Variants in SAP30BP observed in about 807,000 individuals in gnomAD.
The protein encoded by SAP30BP is SAP30 binding protein.
A neutral mutation model predicts 46.3 loss-of-function variants in SAP30BP; 31 were observed. The ratio of observed to expected loss-of-function variants is 0.67; its 90% CI spans 0.50 to 0.90. The LOEUF (loss-of-function observed/expected upper bound fraction) is 0.90. Among genes scored for constraint, SAP30BP ranks in the 40% least tolerant of loss-of-function variants. The pLI, the probability that SAP30BP is intolerant of heterozygous loss-of-function variation, is 0.00. For synonymous variants in SAP30BP, 169 were observed against 144.2 expected (o/e 1.17, Z -1.23); for missense variants, 312 against 391.0 (o/e 0.80, Z 1.70).
At chr17:75,694,924 T>C (rs1362917406) in intron 4 of SAP30BP, among the ~76,000 whole-genome samples, 1 of 152,162 alleles carries the variant, frequency 6.6e-6, no homozygotes, top group Non-Finnish European at 1.5e-5. Context: ...TTACATAGAG[T>C]AAGACTTGCC....
intron 3 of SAP30BP, among the ~76,000 whole-genome samples, chr17:75,674,690 GTT>G (rs1287087489): frequency 2.5e-5 from 1 of 39,578 alleles, no homozygotes; most frequent in Admixed American, 3.1e-4. Context: ...TTTTTTGTTT[GTT>G]TTTTGTTTTT....
At chr17:75,698,786 C>T (rs1198472593) in intron 4 of SAP30BP, among the ~76,000 whole-genome samples, 1 of 152,246 alleles carries the variant, frequency 6.6e-6, no homozygotes, top group African/African-American at 2.4e-5. Flanking sequence ...GGAGAATTTA[C>T]ACCACAAGAA....
At chr17:75,705,079 T>G (rs1406129406) in intron 9 of SAP30BP, 1 of 456,722 alleles carries the variant, frequency 2.2e-6, no homozygotes, top group African/African-American at 2.0e-5. Context: ...TGGGGGGCTT[T>G]GTCCGTTTTG....
Position 75,703,800 on chromosome 17 carries a change from C to A in SAP30BP, c.550-8C>A. Reference sequence around the variant, plus strand: ...TGTCATCTGAGTCATTCGCCTTTTCCTTTGCAGGATATGTTTGATCCCCAT... The same window carrying A: ...TGTCATCTGAGTCATTCGCCTTTTCATTTGCAGGATATGTTTGATCCCCAT... On this transcript the variant is annotated splice_region_variant and splice_polypyrimidine_tract_variant and intron_variant, in intron 7 of 10. Transcript: ENST00000584667. 1 of 1,613,200 alleles carries A rather than the reference C, an allele frequency of 6.2e-7. No individual in the cohort carries two copies. Among genetic ancestry groups the A allele is most frequent in the Non-Finnish European group, 8.5e-7 (1 of 1,179,124 alleles).
intron 3 of SAP30BP, among the ~76,000 whole-genome samples, chr17:75,678,463 AACACACACACAC>A (rs59943167): frequency 3.4e-5 from 5 of 147,646 alleles, no homozygotes; most frequent in South Asian, 2.2e-4. Flanking sequence ...CACAATTTAA[AACACACACACAC>A]ACACACACAC....
intron 2 of SAP30BP, among the ~76,000 whole-genome samples, chr17:75,669,348 A>G (rs144191463): frequency 3.5e-4 from 54 of 152,230 alleles, no homozygotes; most frequent in East Asian, 2.3e-3. Flanking sequence ...GGTTCAAGCA[A>G]TTCTCCTGCC....
Position 75,671,837 on chromosome 17 carries a change from G to C in SAP30BP, c.238G>C (p.Glu80Gln). 1 of 1,613,820 alleles carries C rather than the reference G, an allele frequency of 6.2e-7. No homozygotes were observed. Among genetic ancestry groups the C allele is most frequent in the African/African-American group, 1.3e-5 (1 of 75,022 alleles). Reference sequence around the variant, plus strand: ...GTAGGAAGATGACGATTCAGAGACTGAAAAACCTGAGGCTGATGACCCAAA... The same window carrying C: ...GTAGGAAGATGACGATTCAGAGACTCAAAAACCTGAGGCTGATGACCCAAA... ...RQSEDDDSET[E>Q]KPEADDPKDN... Residue 80 changes from glutamate (E) to glutamine (Q), a missense_variant, in exon 3 of 11, where the codon GAA becomes CAA. Glu to Gln is a conservative substitution (Grantham distance 29). Around this residue, in one of 2 missense-constraint regions of SAP30BP, gnomAD observed 296 missense variants for 346.6 expected, o/e 0.85. Transcript: ENST00000584667.
At chr17:75,696,152 A>C (rs1417284878) in intron 4 of SAP30BP, among the ~76,000 whole-genome samples, 1 of 152,086 alleles carries the variant, frequency 6.6e-6, no homozygotes, top group Non-Finnish European at 1.5e-5. Flanking sequence ...CACCCATCAG[A>C]CCCAGGCAGC....
intron 3 of SAP30BP, among the ~76,000 whole-genome samples, chr17:75,673,186 A>C (rs1208642386): frequency 6.6e-6 from 1 of 152,150 alleles, no homozygotes; most frequent in Non-Finnish European, 1.5e-5. Context: ...AGTGTGTTTT[A>C]CCAGGAAAGA....
At chr17:75,682,980 G>T (rs1344530122) in intron 3 of SAP30BP, among the ~76,000 whole-genome samples, 1 of 145,298 alleles carries the variant, frequency 6.9e-6, no homozygotes, top group Non-Finnish European at 1.5e-5. Context: ...AAAAAAAAAA[G>T]AATTGTATGG....
In SAP30BP at chr17:75,699,771, T is replaced by A. The variant is rs766598067; in HGVS notation, c.308-12T>A. On this transcript the variant is annotated splice_polypyrimidine_tract_variant and intron_variant, in intron 4 of 10. Transcript: ENST00000584667. ...TCCCCACCTACAGAATTTTTCCTTC[T>A]TCTCTCAACAGCCTCCTTTTCTGAA... is the stretch of plus-strand genomic sequence containing the variant. The A allele has an allele frequency of 1.1e-5, 17 of 1,606,664 alleles. No homozygotes were observed. The highest frequency in any genetic ancestry group is 1.4e-5 in the Non-Finnish European group (17 of 1,173,862).
Position 75,706,259 on chromosome 17 carries a change from CTCCCGCTGGCCTGCAGG to C in SAP30BP, c.746-80_746-64del. On this transcript the variant is annotated intron_variant, in intron 10 of 10. Transcript: ENST00000584667. This position sits in a 1 kb window ranked among gnomAD's most constrained non-coding sequence, Gnocchi z 4.6. ...GCCACTTCGGGGTCTGCTCCCTAGA[CTCCCGCTGGCCTGCAGG>C]GGGAAGGGAAAGAGGGCACCGCTCA... The C allele has an allele frequency of 6.4e-7, 1 of 1,550,650 alleles. No homozygotes were observed. The highest frequency in any genetic ancestry group is 8.8e-7 in the Non-Finnish European group (1 of 1,140,058).
intron 5 of SAP30BP, among the ~76,000 whole-genome samples, chr17:75,700,735 A>G (rs2060396627): frequency 6.6e-6 from 1 of 152,192 alleles, no homozygotes; most frequent in Admixed American, 6.5e-5. Context: ...ACCGCCCTCC[A>G]GAATCACGTC....
intron 3 of SAP30BP, chr17:75,684,650 G>C (rs1350028195): frequency 6.6e-6 from 1 of 152,170 alleles, no homozygotes; most frequent in Non-Finnish European, 1.5e-5. Flanking sequence ...ACAACACTAG[G>C]GTTGCCTTGC....
At chr17:75,699,609 A>G (rs947422307) in intron 4 of SAP30BP, among the ~76,000 whole-genome samples, 174 bp from the exon 5 acceptor site, 1 of 151,930 alleles carries the variant, frequency 6.6e-6, no homozygotes, top group African/African-American at 2.4e-5. Context: ...CCTTCCGGTC[A>G]TTCAGTCTCA....
chr17:75,695,535 T>A (rs1002110218), intron 4 of SAP30BP, among the ~76,000 whole-genome samples: 3 of 152,212 alleles, frequency 2.0e-5, no homozygotes, highest in African/African-American at 7.2e-5. Context: ...CAAATGGATC[T>A]TTAAGCGGCA....
Position 75,677,456 on chromosome 17 carries a change from G to A in SAP30BP, c.264+5593G>A, listed in dbSNP as rs7219807. The stretch of plus-strand genomic sequence containing the variant: ...GCTTTTTTTTTTTTTTTTTGGAAAC[G>A]AAGTCTCGCTCTGTCACCCAGGCTG... On this transcript the variant is annotated intron_variant, in intron 3 of 10. Coordinates refer to ENST00000584667, the MANE Select transcript of SAP30BP (RefSeq NM_013260.8). Among the ~76,000 whole-genome samples, 73 of 121,356 alleles carry A rather than the reference G, an allele frequency of 6.0e-4. 1 individual carries two copies. The highest frequency in any genetic ancestry group is 1.9e-3 in the African/African-American group (62 of 32,904). The allele number at this position is 121,356 out of a possible 152,430, so 79.6% of individuals were successfully genotyped here.
rs2059852187 is a variant in SAP30BP at position 75,668,679 on chromosome 17, A to G, written c.216+54A>G. 6.5e-6 allele frequency: 8 copies of G among 1,228,098 alleles called. No individual in the cohort carries two copies. The East Asian group carries it at 1.9e-4, about 29-fold the overall frequency. 76.1% of individuals were successfully genotyped at this position (1,228,098 alleles called of 1,614,324 possible). Reference sequence around the variant, plus strand: ...CTGAAAGCACAATTTCATTTGTCAGATTTTGGAACTGTGCCAACAGTGTTC... The same window carrying G: ...CTGAAAGCACAATTTCATTTGTCAGGTTTTGGAACTGTGCCAACAGTGTTC... On this transcript the variant is annotated intron_variant, in intron 2 of 10. Coordinates refer to ENST00000584667, the MANE Select transcript of SAP30BP (RefSeq NM_013260.8).
Position 75,686,741 on chromosome 17 carries a change from G to A in SAP30BP, c.265-6699G>A, listed in dbSNP as rs530649674. Among the ~76,000 whole-genome samples, 51 of 152,292 alleles carry A rather than the reference G, an allele frequency of 3.3e-4. No individual in the cohort carries two copies. In the South Asian group the frequency reaches 6.8e-3, roughly 20 times the overall value. On this transcript the variant is annotated intron_variant, in intron 3 of 10. Coordinates refer to ENST00000584667, the MANE Select transcript of SAP30BP (RefSeq NM_013260.8). ...CCGACAGGATACAACTAAAGGAAAT[G>A]TGCTAGCAATGGGCTTTCTCCAGGG... is the stretch of plus-strand genomic sequence containing the variant.
Sources: gnomAD v4.1 joint callset for allele counts (sites outside exome capture counted in the v4.1 genomes callset) on GRCh38, gnomAD v4.1.1 for gene constraint, gnomAD v4.1.1 regional missense constraint, Gnocchi (gnomAD v3.1) non-coding constraint, MANE v1.5 for transcripts, NCBI Gene and HGNC (gene_info 2026-07-23, HGNC 2026-07-21) for gene names.